SAMHD1: variants seen among roughly 807,000 people sequenced by gnomAD.
SAMHD1 encodes SAM and HD domain containing deoxynucleoside triphosphate triphosphohydrolase 1, also known as deoxynucleoside triphosphate triphosphohydrolase SAMHD1.
Under a neutral mutation model 79.6 loss-of-function variants are expected in SAMHD1, and 54 were observed. The observed-to-expected ratio is 0.68, with a 90% CI of 0.55 to 0.85. The LOEUF is 0.85. SAMHD1 is among the 40% of genes least tolerant of loss of function. The pLI is 0.00. For missense variants in SAMHD1, 663 were observed against 782.7 expected, an observed-to-expected ratio of 0.85 and a Z score of 1.82; for synonymous variants, 260 against 264.1, an observed-to-expected ratio of 0.98 and a Z score of 0.15.
intron 11 of SAMHD1, among the ~76,000 whole-genome samples, chr20:36,910,275 G>C (rs1442127602): frequency 1.3e-5 from 2 of 149,986 alleles, no homozygotes; most frequent in African/African-American, 4.9e-5. Flanking sequence ...ATAGTCCCAA[G>C]TAGCCAAATC....
intron 11 of SAMHD1, 95 bp from the exon 12 acceptor site, chr20:36,905,598 G>T: frequency 9.6e-7 from 1 of 1,047,030 alleles, no homozygotes; most frequent in Non-Finnish European, 1.4e-6. Flanking sequence ...TTAACAGGCA[G>T]TTCGCAAATG....
rs1245365387 is a variant in SAMHD1 at position 36,892,892 on chromosome 20, G to A, written c.*40C>T. On this transcript the variant is annotated 3_prime_UTR_variant, in exon 16 of 16. Transcript: ENST00000646673. ...TATGATTGAAGCCTCTAAATGAATTGTGCAGGAGAGGGAGTTTGTAAACAA... is the reference window on the plus strand; with the variant it reads ...TATGATTGAAGCCTCTAAATGAATTATGCAGGAGAGGGAGTTTGTAAACAA... 3 of 1,611,862 alleles carry A rather than the reference G, an allele frequency of 1.9e-6. No homozygotes were observed. The highest frequency in any genetic ancestry group is 2.5e-6 in the Non-Finnish European group (3 of 1,178,056).
chr20:36,931,913 A>C (rs1051540817), intron 4 of SAMHD1, among the ~76,000 whole-genome samples: 1 of 152,204 alleles, frequency 6.6e-6, no homozygotes, highest in South Asian at 2.1e-4. Flanking sequence ...TAAGTGAAAT[A>C]AGCCAGTGAC....
intron 11 of SAMHD1, among the ~76,000 whole-genome samples, chr20:36,910,861 AAG>A (rs1418822935): frequency 6.6e-6 from 1 of 152,162 alleles, no homozygotes; most frequent in Non-Finnish European, 1.5e-5. Context: ...TTATAGATGA[AAG>A]ATTCAGATAG....
intron 3 of SAMHD1, 41 bp from the exon 4 acceptor site, chr20:36,935,230 A>C (rs2063595971): frequency 6.6e-7 from 1 of 1,525,458 alleles, no homozygotes; most frequent in South Asian, 1.1e-5. Context: ...ACGACATGTA[A>C]GTCCAACTGA....
chr20:36,906,271 C>T (rs905171492), intron 11 of SAMHD1, among the ~76,000 whole-genome samples: 3 of 152,152 alleles, frequency 2.0e-5, no homozygotes, highest in African/African-American at 7.2e-5. Context: ...AACCCTGCCT[C>T]TACCAAAAAT....
intron 5 of SAMHD1, among the ~76,000 whole-genome samples, chr20:36,928,687 GA>G (rs1231569445): frequency 8.0e-4 from 102 of 127,574 alleles, no homozygotes; most frequent in African/African-American, 7.8e-4. Context: ...TCTGTCTCGG[GA>G]AAAAAAAAAA....
At chr20:36,894,025 T>A (rs974108623) in intron 15 of SAMHD1, 56 of 397,940 alleles carry the variant, frequency 1.4e-4, no homozygotes, top group African/African-American at 1.1e-3. Context: ...TGGTTCTAGC[T>A]TTTGCAGGTG....
chr20:36,913,258 T>C (rs896366333), intron 9 of SAMHD1, among the ~76,000 whole-genome samples: 5 of 150,174 alleles, frequency 3.3e-5, no homozygotes, highest in South Asian at 2.2e-4. Context: ...CGGCCTCCCA[T>C]AGTGCTGGGA....
rs58266882 is a variant in SAMHD1, at chr20:36,890,421, T to TC, written c.*2510_*2511insG. 7.3e-5 allele frequency: 11 copies of TC among 151,086 alleles called. No homozygotes were observed. The highest frequency in any genetic ancestry group is 1.3e-4 in the Admixed American group (2 of 14,998). 9.4% of individuals were successfully genotyped at this position (151,086 alleles called of 1,614,324 possible). A position where few individuals can be genotyped will look rare whatever the true frequency, so the allele number is the denominator to read the frequency against. ...CTCTTTCTTTCTTTCTTTCTTTCTTTTCTTTCTCTCTTTCCTTCCTTCCTT... is the reference window on the plus strand; with the variant it reads ...CTCTTTCTTTCTTTCTTTCTTTCTTTCTCTTTCTCTCTTTCCTTCCTTCCTT... On this transcript the variant is annotated 3_prime_UTR_variant, in exon 16 of 16. Transcript: ENST00000646673.
chr20:36,934,970 T>C (rs2063593777), intron 4 of SAMHD1, 59 bp downstream of exon 4: 1 of 1,563,962 alleles, frequency 6.4e-7, no homozygotes, highest in Non-Finnish European at 8.8e-7. Context: ...AGATAACTAT[T>C]TCATGAGACA....
intron 9 of SAMHD1, among the ~76,000 whole-genome samples, chr20:36,913,331 C>T (rs1164674652): frequency 3.3e-5 from 5 of 151,024 alleles, no homozygotes; most frequent in Non-Finnish European, 3.0e-5. Flanking sequence ...AGGCCAGGTG[C>T]GATGGCTCAT....
chr20:36,923,922 C>A (rs547978911), intron 6 of SAMHD1, among the ~76,000 whole-genome samples: 1 of 152,182 alleles, frequency 6.6e-6, no homozygotes, highest in South Asian at 2.1e-4. Context: ...TTGGGGAATG[C>A]TTGGGGAGAA....
chr20:36,902,522 G>T (rs1439743060), intron 13 of SAMHD1, among the ~76,000 whole-genome samples: 1 of 152,074 alleles, frequency 6.6e-6, no homozygotes, highest in Non-Finnish European at 1.5e-5. Context: ...CACTAAGCCT[G>T]CCAGAAGGCC....
chr20:36,902,944 G>C (rs1024307921), intron 13 of SAMHD1, among the ~76,000 whole-genome samples: 1 of 151,868 alleles, frequency 6.6e-6, no homozygotes, highest in Non-Finnish European at 1.5e-5. Context: ...TCGCCGTGTT[G>C]GGCAGGATGG....
At chr20:36,912,751 A>ATTTTTT (rs66970329) in intron 9 of SAMHD1, among the ~76,000 whole-genome samples, 199 bp from the exon 10 acceptor site, 4 of 107,058 alleles carry the variant, frequency 3.7e-5, no homozygotes, top group Non-Finnish European at 7.4e-5. Flanking sequence ...TGCAACTTTC[A>ATTTTTT]TTTTTTTTTT....
chr20:36,946,988 A>G (rs1312232788), intron 1 of SAMHD1, 184 bp from the exon 2 acceptor site: 1 of 454,990 alleles, frequency 2.2e-6, no homozygotes, highest in Non-Finnish European at 3.9e-6. Flanking sequence ...AAATAACTAA[A>G]CCAAGAAGCA....
intron 11 of SAMHD1, among the ~76,000 whole-genome samples, chr20:36,910,021 G>A (rs6130083): frequency 0.42 from 63,716 of 151,422 alleles, 14,785 homozygotes; most frequent in African/African-American, 0.61. Flanking sequence ...TCAGGAGATC[G>A]AGACCATCCT....
intron 6 of SAMHD1, among the ~76,000 whole-genome samples, chr20:36,921,088 AAAC>A (rs961399023): frequency 3.2e-4 from 48 of 152,088 alleles, no homozygotes; most frequent in African/African-American, 5.8e-4. Flanking sequence ...TGTCTCCAAA[AAAC>A]AACAACAACA....
Sources: allele counts gnomAD v4.1 joint callset (sites outside exome capture counted in the v4.1 genomes callset), GRCh38; gene constraint gnomAD v4.1.1; transcripts MANE v1.5; gene names NCBI Gene and HGNC (gene_info 2026-07-23, HGNC 2026-07-21).